Variants in NUP93 observed in about 807,000 individuals in gnomAD.
NUP93 encodes nuclear pore complex protein Nup93.
A neutral mutation model predicts 107.8 loss-of-function variants in NUP93; 55 were observed. That is an observed-to-expected ratio of 0.51 (90% CI 0.41 to 0.64). The LOEUF (loss-of-function observed/expected upper bound fraction) is 0.64. Ranked by LOEUF, NUP93 falls within the 30% of genes least tolerant of loss-of-function variation. The pLI is 0.00. For synonymous variants in NUP93, 390 were observed against 397.5 expected, an observed-to-expected ratio of 0.98 and a Z score of 0.22; for missense variants, 937 against 1,044.7, an observed-to-expected ratio of 0.90 and a Z score of 1.42.
intron 3 of NUP93, among the ~76,000 whole-genome samples, chr16:56,760,124 C>T (rs1343851563): frequency 6.6e-6 from 1 of 152,136 alleles, no homozygotes; most frequent in Non-Finnish European, 1.5e-5. Context: ...ACAATATATG[C>T]TTAGTTACAT....
intron 17 of NUP93, 40 bp from the exon 18 acceptor site, chr16:56,837,568 A>G (rs201899311): frequency 2.6e-6 from 3 of 1,139,412 alleles, no homozygotes; most frequent in Non-Finnish European, 3.6e-6. Context: ...TTTATTGATT[A>G]CTTTATTGAT....
chr16:56,839,255 T>TG (rs1323303874), intron 19 of NUP93, 186 bp downstream of exon 19: 1 of 435,474 alleles, frequency 2.3e-6, no homozygotes, highest in Non-Finnish European at 4.0e-6. Context: ...TTTTTTTTTT[T>TG]TTTTTGCCTA....
At chr16:56,840,564 A>G (rs74589354) in intron 20 of NUP93, among the ~76,000 whole-genome samples, 5,271 of 152,270 alleles carry the variant, frequency 0.035, 128 homozygotes, top group East Asian at 0.076. Context: ...TGTGTGGCCC[A>G]GGTAAATTCT....
chr16:56,781,811 T>G, intron 3 of NUP93: 1 of 984,698 alleles, frequency 1.0e-6, no homozygotes, highest in Non-Finnish European at 1.2e-6. Flanking sequence ...TAAAATACCC[T>G]TCTGTAACCT....
Position 56,772,561 on chromosome 16 carries a change from C to T in NUP93, c.297+13906C>T, listed in dbSNP as rs533798631. 9.9e-4 allele frequency among the ~76,000 whole-genome samples: 151 copies of T among 152,324 alleles called. 1 individual carries two copies. The highest frequency in any genetic ancestry group is 3.4e-3 in the Middle Eastern group (1 of 294). On this transcript the variant is annotated intron_variant, in intron 3 of 21. Transcript: ENST00000308159. ...TTCTTACCTGTTTTCTATGGAATGA[C>T]ATTTCCCCATCAGGGGCCTGGAAGC...
chr16:56,827,044 CAAAAAAA>C lies in NUP93; in HGVS notation c.795-1914_795-1908del, dbSNP rs1188027635. Reference sequence around the variant, plus strand: ...CTGGGGATGGAATGAGACTCCGTCTCAAAAAAAAAAAAAAAAAAAAAAAAATTTTGTT... The same window carrying C: ...CTGGGGATGGAATGAGACTCCGTCTCAAAAAAAAAAAAAAAAAATTTTGTT... On this transcript the variant is annotated intron_variant, in intron 8 of 21. Transcript: ENST00000308159. 1.2e-3 allele frequency among the ~76,000 whole-genome samples: 64 copies of C among 53,608 alleles called. 3 individuals are homozygous for C. Among genetic ancestry groups the C allele is most frequent in the South Asian group, 4.0e-3 (5 of 1,248 alleles). The allele number at this position is 53,608 out of a possible 152,430, so 35.2% of individuals were successfully genotyped here.
intron 1 of NUP93, among the ~76,000 whole-genome samples, chr16:56,743,654 C>CT (rs1250025982): frequency 6.6e-6 from 1 of 152,134 alleles, no homozygotes; most frequent in Non-Finnish European, 1.5e-5. Flanking sequence ...TCTAGATTGA[C>CT]TAATTTTCTG....
Position 56,815,606 on chromosome 16 carries a change from T to A in NUP93, c.490-3058T>A, listed in dbSNP as rs1963404145. 2.0e-5 allele frequency among the ~76,000 whole-genome samples: 3 copies of A among 152,350 alleles called. No homozygotes were observed. In the South Asian group the frequency reaches 6.2e-4, roughly 32 times the overall value. On this transcript the variant is annotated intron_variant, in intron 5 of 21. Coordinates refer to ENST00000308159, the MANE Select transcript of NUP93 (RefSeq NM_014669.5). Reference sequence around the variant, plus strand: ...TTCGTTGTGGTGGTTTCTTTTTGTTTATAAAGTGATAACAGCTAGTGTTTA... The same window carrying A: ...TTCGTTGTGGTGGTTTCTTTTTGTTAATAAAGTGATAACAGCTAGTGTTTA...
intron 3 of NUP93, among the ~76,000 whole-genome samples, chr16:56,785,593 T>C (rs1290619770): frequency 6.6e-6 from 1 of 152,200 alleles, no homozygotes; most frequent in Non-Finnish European, 1.5e-5. Context: ...AGCAAGCATG[T>C]CAGCCAGCTC....
At chr16:56,790,713 T>C (rs1194718880) in intron 3 of NUP93, among the ~76,000 whole-genome samples, 1 of 152,190 alleles carries the variant, frequency 6.6e-6, no homozygotes, top group East Asian at 1.9e-4. Context: ...AGCAAAGTAA[T>C]GGTACAACTT....
intron 3 of NUP93, among the ~76,000 whole-genome samples, chr16:56,768,723 C>T (rs1228627346): frequency 6.8e-6 from 1 of 146,366 alleles, no homozygotes; most frequent in East Asian, 2.1e-4. Context: ...AAAAATTAGC[C>T]TGGTGTGGTG....
At chr16:56,790,132 A>AAAACAAAAC (rs1567389558) in intron 3 of NUP93, among the ~76,000 whole-genome samples, 4 of 115,558 alleles carry the variant, frequency 3.5e-5, no homozygotes, top group African/African-American at 9.4e-5. Flanking sequence ...CAAAACAAAA[A>AAAACAAAAC]AACAAGCAGT....
rs767853364 is a variant in NUP93, at chr16:56,841,736, C to T, written c.2252C>T (p.Ala751Val). The T allele has an allele frequency of 6.2e-7, 1 of 1,614,198 alleles. No homozygotes were observed. Among genetic ancestry groups the T allele is most frequent in the South Asian group, 1.1e-5 (1 of 91,080 alleles). ...IRHNLSEVLLATMNILFTQFK... is the reference protein window; with the variant it reads ...IRHNLSEVLLVTMNILFTQFK... ...CACAACCTCTCAGAAGTGCTTCTTG[C>T]CACCATGAACATCTTGTTCACACAG... The change falls in exon 21 of 22, where the codon GCC becomes GTC. Residue 751 changes from alanine (A) to valine (V), a missense_variant. Ala to Val is a moderately conservative substitution (Grantham distance 64). Coordinates refer to ENST00000308159, the MANE Select transcript of NUP93 (RefSeq NM_014669.5).
At chr16:56,784,163 AG>A (rs1962576212) in intron 3 of NUP93, among the ~76,000 whole-genome samples, 1 of 152,226 alleles carries the variant, frequency 6.6e-6, no homozygotes, top group African/African-American at 2.4e-5. Flanking sequence ...GACACTTGAG[AG>A]GAAAAAGAAA....
At chr16:56,811,055 T>C (rs1963305094) in intron 5 of NUP93, among the ~76,000 whole-genome samples, 1 of 152,232 alleles carries the variant, frequency 6.6e-6, no homozygotes. Context: ...AGTTCTTTTA[T>C]AAATAGTACT....
At chr16:56,833,808 G>A (rs574246981) in intron 13 of NUP93, among the ~76,000 whole-genome samples, 2 of 152,228 alleles carry the variant, frequency 1.3e-5, no homozygotes, top group African/African-American at 4.8e-5. Flanking sequence ...AAGTAAATGT[G>A]GATGAATGGC....
intron 5 of NUP93, among the ~76,000 whole-genome samples, chr16:56,817,320 C>T (rs1193623726): frequency 6.6e-6 from 1 of 152,144 alleles, no homozygotes; most frequent in Non-Finnish European, 1.5e-5. Flanking sequence ...CTTCAGACTG[C>T]CTTTCTGATA....
intron 3 of NUP93, among the ~76,000 whole-genome samples, chr16:56,770,928 A>G (rs916837006): frequency 6.6e-6 from 1 of 151,962 alleles, no homozygotes; most frequent in Non-Finnish European, 1.5e-5. Flanking sequence ...AGAAAAAAAC[A>G]CGTGACCCTC....
chr16:56,766,972 C>G (rs1439657928), intron 3 of NUP93, among the ~76,000 whole-genome samples: 1 of 152,210 alleles, frequency 6.6e-6, no homozygotes, highest in Non-Finnish European at 1.5e-5. Context: ...GCTCTAAGAA[C>G]CAGTGTGTAT....
Sources: allele counts gnomAD v4.1 joint callset (sites outside exome capture counted in the v4.1 genomes callset), GRCh38; gene constraint gnomAD v4.1.1; transcripts MANE v1.5; gene names NCBI Gene and HGNC (gene_info 2026-07-23, HGNC 2026-07-21).